The following CACNA1B variants were observed in gnomAD, a reference collection of about 807,000 sequenced individuals.
The protein encoded by CACNA1B is voltage-dependent N-type calcium channel subunit alpha-1B.
Under a neutral mutation model 247.2 loss-of-function variants are expected in CACNA1B, and 70 were observed. The observed-to-expected ratio is 0.28, with a 90% CI of 0.23 to 0.35. The LOEUF is 0.35. Ranked by LOEUF, CACNA1B falls within the 10% of genes least tolerant of loss-of-function variation. The pLI is 1.00. For missense variants in CACNA1B, 2,367 were observed against 3,197.4 expected (o/e 0.74, Z 6.26); for synonymous variants, 1,231 against 1,294.4 (o/e 0.95, Z 1.05).
intron 10 of CACNA1B, among the ~76,000 whole-genome samples, chr9:137,969,688 T>C (rs1414085411): frequency 6.6e-6 from 1 of 152,150 alleles, no homozygotes; most frequent in Admixed American, 6.5e-5. Flanking sequence ...GAGCATCTCA[T>C]TGGATCTTCA....
chr9:138,048,834 C>T (rs1241181859), intron 23 of CACNA1B, among the ~76,000 whole-genome samples: 1 of 152,240 alleles, frequency 6.6e-6, no homozygotes, highest in African/African-American at 2.4e-5. Context: ...TCTCATGCCT[C>T]AGCCTCTCAA....
intron 18 of CACNA1B, among the ~76,000 whole-genome samples, chr9:138,022,183 T>G (rs1210668671): frequency 6.6e-6 from 1 of 152,170 alleles, no homozygotes; most frequent in African/African-American, 2.4e-5. Flanking sequence ...GCTGGAGGGC[T>G]CCGAGGACCA....
In CACNA1B at chr9:137,950,744, G is replaced by C. The variant is rs1957868886; in HGVS notation, c.967-1530G>C. Reference sequence around the variant, plus strand: ...CAGCAGCTCCAAATGTGGGATATAAGAGGCAAGAAGAAAACCCCAGAAACA... The same window carrying C: ...CAGCAGCTCCAAATGTGGGATATAACAGGCAAGAAGAAAACCCCAGAAACA... On this transcript the variant is annotated intron_variant, in intron 6 of 46. Transcript: ENST00000371372. The surrounding 1 kb of genome is among the most constrained non-coding windows in gnomAD (Gnocchi z 4.8). Among the ~76,000 whole-genome samples the C allele has an allele frequency of 6.6e-6, 1 of 152,200 alleles. No homozygotes were observed. Among genetic ancestry groups the C allele is most frequent in the African/African-American group, 2.4e-5 (1 of 41,456 alleles).
intron 3 of CACNA1B, among the ~76,000 whole-genome samples, chr9:137,901,095 G>A (rs896711866): frequency 1.4e-5 from 2 of 147,682 alleles, no homozygotes; most frequent in African/African-American, 5.1e-5. Context: ...GTCTGTGTCT[G>A]TGTGTCCTTG....
chr9:138,105,205 C>A (rs566318126), intron 38 of CACNA1B, among the ~76,000 whole-genome samples: 1 of 152,232 alleles, frequency 6.6e-6, no homozygotes, highest in Non-Finnish European at 1.5e-5. Context: ...CAGGATGTCA[C>A]CTGTAGGGGC....
At position 138,073,607 on chromosome 9, in the gene CACNA1B, G is replaced by A; in HGVS notation, c.4791+3G>A. 6.6e-7 allele frequency: 1 copy of A among 1,522,598 alleles called. No homozygotes were observed. The highest frequency in any genetic ancestry group is 1.4e-5 in the African/African-American group (1 of 73,190). 94.3% of individuals were successfully genotyped at this position (1,522,598 alleles called of 1,614,324 possible). ...GGACCTTTGTCCAGTCCTTCAAGGT[G>A]GGCCAGGCGGGGGGCCTCCATGCTT... On this transcript the variant is annotated splice_donor_region_variant and intron_variant, in intron 33 of 46. Coordinates refer to ENST00000371372, the MANE Select transcript of CACNA1B (RefSeq NM_000718.4). This position sits in a 1 kb window ranked among gnomAD's most constrained non-coding sequence, Gnocchi z 6.4.
rs375422715 is a variant in CACNA1B, at chr9:137,980,663, C to T, written c.1657-3475C>T. Among the ~76,000 whole-genome samples, 7 of 152,290 alleles carry T rather than the reference C, an allele frequency of 4.6e-5. No homozygotes were observed. In the East Asian group the frequency reaches 9.6e-4, roughly 21 times the overall value. ...GAAGATAGTTTGTCAACCCCTTCCC[C>T]CTCCCTCCTCCCTCTAGTACTCCCC... On this transcript the variant is annotated intron_variant, in intron 12 of 46. Transcript: ENST00000371372.
At chr9:138,025,957 A>G (rs1274683031) in intron 20 of CACNA1B, among the ~76,000 whole-genome samples, 1 of 152,232 alleles carries the variant, frequency 6.6e-6, no homozygotes, top group Non-Finnish European at 1.5e-5. Flanking sequence ...TGCCAGCAGA[A>G]GCATTTAGGT....
rs758357921 is a variant in CACNA1B, at chr9:138,078,216, C to T, written c.5052C>T (p.Ala1684=). The part of the protein sequence containing the change: ...ANATECGSDF[A]YFYFVSFIFL... The stretch of plus-strand genomic sequence containing the variant: ...CCACCGAGTGTGGAAGTGACTTTGC[C>T]TACTTCTACTTCGTCTCCTTCATCT... Residue 1684 remains alanine, a synonymous_variant, in exon 36 of 47, where the codon GCC becomes GCT. Transcript: ENST00000371372. The T allele has an allele frequency of 4.3e-6, 7 of 1,613,874 alleles. No individual in the cohort carries two copies. The African/African-American group carries it at 8.0e-5, about 18-fold the overall frequency.
At chr9:137,947,411 C>G (rs1957809321) in intron 6 of CACNA1B, among the ~76,000 whole-genome samples, 1 of 152,094 alleles carries the variant, frequency 6.6e-6, no homozygotes, top group Admixed American at 6.5e-5. Context: ...CCTTAGGGTC[C>G]CTGCCTCCAG....
rs1962053164 is a variant in CACNA1B at position 138,120,611 on chromosome 9, T to A, written c.6239-20T>A. ...CTGCCTTGGGCCTGGCCGTGCTAAC[T>A]TCTTCTCTTCCCTGGCCAGCACCAA... is the stretch of plus-strand genomic sequence containing the variant. On this transcript the variant is annotated intron_variant, in intron 45 of 46. Transcript: ENST00000371372. 2.0e-6 allele frequency: 3 copies of A among 1,482,104 alleles called. No individual in the cohort carries two copies. The highest frequency in any genetic ancestry group is 2.7e-6 in the Non-Finnish European group (3 of 1,119,620). 91.8% of individuals were successfully genotyped at this position (1,482,104 alleles called of 1,614,324 possible). A position where few individuals can be genotyped will look rare whatever the true frequency, so the allele number is the denominator to read the frequency against.
rs1416107261 is a variant in CACNA1B at position 137,917,077 on chromosome 9, T to C, written c.776-164T>C. 6.6e-6 allele frequency among the ~76,000 whole-genome samples: 1 copy of C among 152,128 alleles called. No individual in the cohort carries two copies. Among genetic ancestry groups the C allele is most frequent in the Non-Finnish European group, 1.5e-5 (1 of 68,000 alleles). ...CTCGGGGTCAGCAAGAGGCGATGCC[T>C]GATGCAGATTCGAGGAGGGATGGTG... On this transcript the variant is annotated intron_variant, in intron 5 of 46. Coordinates refer to ENST00000371372, the MANE Select transcript of CACNA1B (RefSeq NM_000718.4). The surrounding 1 kb of genome is among the most constrained non-coding windows in gnomAD (Gnocchi z 5.5).
Position 138,007,194 on chromosome 9 carries a change from G to A in CACNA1B, c.2092+310G>A, listed in dbSNP as rs1289231909. 2.0e-5 allele frequency among the ~76,000 whole-genome samples: 3 copies of A among 152,180 alleles called. No homozygotes were observed. Among genetic ancestry groups the A allele is most frequent in the Non-Finnish European group, 2.9e-5 (2 of 68,038 alleles). ...GGGGAGCCTCACACTCTGGGCAGGTGGGTTTTTGTTTTCACTTTGATTTAA... is the reference window on the plus strand; with the variant it reads ...GGGGAGCCTCACACTCTGGGCAGGTAGGTTTTTGTTTTCACTTTGATTTAA... On this transcript the variant is annotated intron_variant, in intron 16 of 46. Coordinates refer to ENST00000371372, the MANE Select transcript of CACNA1B (RefSeq NM_000718.4). The surrounding 1 kb of genome is among the most constrained non-coding windows in gnomAD (Gnocchi z 4.1).
intron 20 of CACNA1B, among the ~76,000 whole-genome samples, chr9:138,037,590 C>T (rs1203620966): frequency 1.3e-5 from 2 of 151,770 alleles, no homozygotes; most frequent in African/African-American, 2.4e-5. Context: ...ACACGAGAGG[C>T]GGAGGTTGCA....
rs201843778 is a variant in CACNA1B, at chr9:137,971,399, C to T, written c.1350C>T (p.Arg450=). ...TCCCCTCAGGATCCCCCTTCGCCCG[C>T]GCCAGCCTCAAGAGCGGGAAGACAG... ...DLCAVGSPFA[R]ASLKSGKTES... The change falls in exon 11 of 47, where the codon CGC becomes CGT. Residue 450 remains arginine, a synonymous_variant. Coordinates refer to ENST00000371372, the MANE Select transcript of CACNA1B (RefSeq NM_000718.4). The surrounding 1 kb of genome is among the most constrained non-coding windows in gnomAD (Gnocchi z 4.4). 7.6e-5 allele frequency: 122 copies of T among 1,612,204 alleles called. No homozygotes were observed. The highest frequency in any genetic ancestry group is 3.5e-4 in the Admixed American group (21 of 59,798).
At chr9:138,116,384 T>C (rs1323417617) in intron 42 of CACNA1B, among the ~76,000 whole-genome samples, 1 of 152,142 alleles carries the variant, frequency 6.6e-6, no homozygotes, top group Non-Finnish European at 1.5e-5. Context: ...AACCATCACT[T>C]TTTCCCACTG....
At chr9:138,064,432 G>T (rs752678756) in intron 31 of CACNA1B, among the ~76,000 whole-genome samples, 8 of 152,226 alleles carry the variant, frequency 5.3e-5, no homozygotes, top group Non-Finnish European at 1.0e-4. Flanking sequence ...AGAGACTCGG[G>T]AGGGAGCATG....
chr9:138,103,640 C>T (rs1336327402), intron 38 of CACNA1B, among the ~76,000 whole-genome samples: 2 of 152,188 alleles, frequency 1.3e-5, no homozygotes, highest in African/African-American at 2.4e-5. Context: ...TAAGCACCTT[C>T]GTTCCCCCAG....
chr9:138,000,378 A>C (rs147172456), intron 15 of CACNA1B, among the ~76,000 whole-genome samples: 1 of 152,202 alleles, frequency 6.6e-6, no homozygotes, highest in Non-Finnish European at 1.5e-5. Flanking sequence ...GATTACAGAC[A>C]TGAGCCACCG....
Sources: gnomAD v4.1 joint callset for allele counts (sites outside exome capture counted in the v4.1 genomes callset) on GRCh38, gnomAD v4.1.1 for gene constraint, Gnocchi (gnomAD v3.1) non-coding constraint, MANE v1.5 for transcripts, NCBI Gene and HGNC (gene_info 2026-07-23, HGNC 2026-07-21) for gene names.